ROBO1: variants seen among roughly 807,000 people sequenced by gnomAD.
ROBO1 encodes the protein roundabout guidance receptor 1, also known as roundabout homolog 1.
In ROBO1, 149 loss-of-function variants were observed where a neutral mutation model predicts 195.9. That is an observed-to-expected ratio of 0.76 (90% CI 0.67 to 0.87). The LOEUF is 0.87. Ranked by LOEUF, ROBO1 falls within the 40% of genes least tolerant of loss-of-function variation. ROBO1 has a pLI of 0.00. For missense variants in ROBO1, 1,933 were observed against 2,068.3 expected (o/e 0.93, Z 1.27); for synonymous variants, 816 against 733.2 (o/e 1.11, Z -1.82).
intron 3 of ROBO1, among the ~76,000 whole-genome samples, chr3:79,027,854 T>A (rs190800562): frequency 2.0e-5 from 3 of 152,150 alleles, no homozygotes; most frequent in Admixed American, 2.0e-4. Context: ...GTTGTATATA[T>A]CTTATTTCAG....
chr3:78,840,341 A>C (rs1361820451), intron 4 of ROBO1, among the ~76,000 whole-genome samples: 2 of 152,128 alleles, frequency 1.3e-5, no homozygotes, highest in Non-Finnish European at 2.9e-5. Flanking sequence ...ACTTATACTC[A>C]CCCTCTATCA....
At chr3:79,128,474 A>G (rs1300951560) in intron 2 of ROBO1, among the ~76,000 whole-genome samples, 1 of 152,198 alleles carries the variant, frequency 6.6e-6, no homozygotes, top group Non-Finnish European at 1.5e-5. Context: ...CTTAAGTGAT[A>G]GATGCTCAAT....
chr3:78,964,389 G>C (rs1044428013), intron 3 of ROBO1, among the ~76,000 whole-genome samples: 1 of 152,070 alleles, frequency 6.6e-6, no homozygotes, highest in Non-Finnish European at 1.5e-5. Flanking sequence ...GGTGTACAGG[G>C]GCAGAAAGGG....
chr3:79,125,236 CAAT>C (rs1423276479), intron 3 of ROBO1, among the ~76,000 whole-genome samples: 4 of 151,994 alleles, frequency 2.6e-5, no homozygotes, highest in Non-Finnish European at 5.9e-5. Context: ...CATAGTAAAA[CAAT>C]AAGAATGATT....
intron 2 of ROBO1, among the ~76,000 whole-genome samples, chr3:79,583,744 G>T (rs1264889336): frequency 6.6e-6 from 1 of 151,858 alleles, no homozygotes; most frequent in African/African-American, 2.4e-5. Flanking sequence ...ATGTATGAGA[G>T]TACTCTTGTT....
At chr3:78,616,311 T>C (rs1381738981) in intron 27 of ROBO1, among the ~76,000 whole-genome samples, 1 of 152,178 alleles carries the variant, frequency 6.6e-6, no homozygotes, top group Non-Finnish European at 1.5e-5. Flanking sequence ...AGATGTTATT[T>C]ATTTATTAAG....
intron 4 of ROBO1, among the ~76,000 whole-genome samples, chr3:78,820,117 A>G (rs778045050): frequency 3.9e-5 from 6 of 152,170 alleles, no homozygotes; most frequent in African/African-American, 1.2e-4. Context: ...CAATTTCTCT[A>G]CGTCTTTCAG....
At chr3:78,666,046 T>C (rs568915850) in intron 14 of ROBO1, among the ~76,000 whole-genome samples, 1 of 152,194 alleles carries the variant, frequency 6.6e-6, no homozygotes, top group Admixed American at 6.5e-5. Context: ...GTTCTCGTGA[T>C]AGTGAGTGAG....
Position 79,198,020 on chromosome 3 carries a change from G to T in ROBO1, c.89-72481C>A, listed in dbSNP as rs570709947. On this transcript the variant is annotated intron_variant, in intron 2 of 30. Coordinates refer to ENST00000464233, the MANE Select transcript of ROBO1 (RefSeq NM_002941.4). Reference sequence around the variant, plus strand: ...CACTCTGATAGTACTTTCTTTTGCTGTGGAGAAGCTCTTTAGTTTAATTAA... The same window carrying T: ...CACTCTGATAGTACTTTCTTTTGCTTTGGAGAAGCTCTTTAGTTTAATTAA... 4.6e-5 allele frequency among the ~76,000 whole-genome samples: 7 copies of T among 152,008 alleles called. No homozygotes were observed. The East Asian group carries it at 1.4e-3, about 29-fold the overall frequency.
chr3:79,669,494 G>T (rs551096005), intron 1 of ROBO1, among the ~76,000 whole-genome samples: 1 of 151,892 alleles, frequency 6.6e-6, no homozygotes, highest in South Asian at 2.1e-4. Flanking sequence ...ATACCATTGG[G>T]TTATTATTGC....
chr3:79,667,054 T>C (rs1576202309), intron 1 of ROBO1, among the ~76,000 whole-genome samples: 1 of 151,992 alleles, frequency 6.6e-6, no homozygotes, highest in Non-Finnish European at 1.5e-5. Flanking sequence ...AAATAACTCA[T>C]ATTTATTTTA....
chr3:79,317,173 T>C (rs2033773176), intron 2 of ROBO1, among the ~76,000 whole-genome samples: 1 of 152,184 alleles, frequency 6.6e-6, no homozygotes, highest in African/African-American at 2.4e-5. Flanking sequence ...TGTAAATGTG[T>C]ATGTATTTAT....
intron 2 of ROBO1, among the ~76,000 whole-genome samples, chr3:79,458,652 C>T (rs2039697314): frequency 6.6e-6 from 1 of 151,898 alleles, no homozygotes; most frequent in South Asian, 2.1e-4. Context: ...CGAGGACCTT[C>T]TAAGCATGAA....
At chr3:79,003,631 C>T (rs548724018) in intron 3 of ROBO1, among the ~76,000 whole-genome samples, 4 of 152,042 alleles carry the variant, frequency 2.6e-5, no homozygotes, top group African/African-American at 9.7e-5. Context: ...AGAAATTGTA[C>T]GCATTTTACT....
intron 1 of ROBO1, among the ~76,000 whole-genome samples, chr3:79,713,260 C>A (rs1009990375): frequency 6.6e-6 from 1 of 152,048 alleles, no homozygotes; most frequent in Admixed American, 6.6e-5. Context: ...GATCAAGGAG[C>A]AAATTTGACC....
rs1404444639 is a variant in ROBO1 at position 78,646,326 on chromosome 3, C to T, written c.2840-136G>A. On this transcript the variant is annotated intron_variant, in intron 20 of 30. Coordinates refer to ENST00000464233, the MANE Select transcript of ROBO1 (RefSeq NM_002941.4). ...CAGAAGCATTGCAAAAATCACATGA[C>T]GTAACAGATTGATTCAACTAGTGAC... The T allele has an allele frequency of 6.0e-5, 37 of 618,054 alleles. No individual in the cohort carries two copies. The Middle Eastern group carries it at 2.0e-3, about 34-fold the overall frequency. 38.3% of individuals were successfully genotyped at this position (618,054 alleles called of 1,614,324 possible).
intron 7 of ROBO1, 128 bp from the exon 8 acceptor site, chr3:78,714,652 T>C (rs2081856019): frequency 4.9e-6 from 4 of 808,918 alleles, no homozygotes; most frequent in Admixed American, 3.7e-5. Context: ...GAGTAAAACA[T>C]GGTATTCCTC....
intron 4 of ROBO1, among the ~76,000 whole-genome samples, chr3:78,766,977 C>G (rs1336278445): frequency 6.6e-6 from 1 of 152,160 alleles, no homozygotes; most frequent in Non-Finnish European, 1.5e-5. Flanking sequence ...CCCACTTGAT[C>G]ATGGTGGATT....
At chr3:79,056,170 C>A (rs2078804021) in intron 3 of ROBO1, among the ~76,000 whole-genome samples, 1 of 151,984 alleles carries the variant, frequency 6.6e-6, no homozygotes, top group Non-Finnish European at 1.5e-5. Context: ...TGTGAAAAAT[C>A]TGTTTTTTAC....
Sources: allele counts gnomAD v4.1 joint callset (sites outside exome capture counted in the v4.1 genomes callset), GRCh38; gene constraint gnomAD v4.1.1; transcripts MANE v1.5; gene names NCBI Gene and HGNC (gene_info 2026-07-23, HGNC 2026-07-21).